The following AGT variants were observed in gnomAD, a reference collection of about 807,000 sequenced individuals.
AGT encodes alpha-1 antiproteinase, antitrypsin.
Under a neutral mutation model 28.1 loss-of-function variants are expected in AGT, and 26 were observed. The ratio of observed to expected loss-of-function variants is 0.92; its 90% CI spans 0.68 to 1.28. The LOEUF (loss-of-function observed/expected upper bound fraction) is 1.28. Ranked by LOEUF, AGT falls within the 50% of genes most tolerant of loss-of-function variation. The probability of loss-of-function intolerance (pLI) is 0.00; values close to 1 mark genes in which losing one functional copy is unlikely to be tolerated. For synonymous variants in AGT, 259 were observed against 259.6 expected (o/e 1.00, Z 0.02); for missense variants, 596 against 592.3 (o/e 1.01, Z -0.06).
At chr1:230,709,629 G>C in intron 2 of AGT, among the ~76,000 whole-genome samples, 1 of 151,506 alleles carries the variant, frequency 6.6e-6, no homozygotes. Context: ...AGGAGATGTG[G>C]GTTTCAATCC....
chr1:230,714,953 G>A (rs1463883404), upstream of AGT, among the ~76,000 whole-genome samples: 1 of 152,174 alleles, frequency 6.6e-6, no homozygotes. Flanking sequence ...GTGATCACAA[G>A]TGACGCAGTG....
intron 1 of AGT, among the ~76,000 whole-genome samples, chr1:230,712,660 C>T (rs538636060): frequency 2.9e-4 from 44 of 152,324 alleles, no homozygotes; most frequent in Non-Finnish European, 5.1e-4. Flanking sequence ...CGATGCAGCC[C>T]GCTCACTGTG....
chr1:230,714,364 C>A (rs1304067465), upstream of AGT: 1 of 152,340 alleles, frequency 6.6e-6, no homozygotes, highest in Non-Finnish European at 1.5e-5. Flanking sequence ...ACACATTTAC[C>A]GAAGTTTGCA....
At chr1:230,708,726 C>T (rs1040396101) in intron 2 of AGT, among the ~76,000 whole-genome samples, 5 of 152,116 alleles carry the variant, frequency 3.3e-5, no homozygotes, top group East Asian at 1.9e-4. Context: ...ATGGATTTGC[C>T]GAGCTGCTCC....
chr1:230,707,837 G>A (rs984138896), intron 2 of AGT, among the ~76,000 whole-genome samples: 3 of 152,180 alleles, frequency 2.0e-5, no homozygotes, highest in African/African-American at 4.8e-5. Flanking sequence ...CTCATCCGGA[G>A]GCTAGGTAAA....
At chr1:230,740,424 C>T (rs936862565) in intron 1 of AGT, among the ~76,000 whole-genome samples, 1 of 152,158 alleles carries the variant, frequency 6.6e-6, no homozygotes, top group Admixed American at 6.5e-5. Context: ...CCTTATTTTA[C>T]CCAACCCCTA....
intron 1 of AGT, among the ~76,000 whole-genome samples, chr1:230,720,175 G>C (rs11122581): frequency 1.3e-5 from 2 of 151,706 alleles, no homozygotes; most frequent in South Asian, 2.1e-4. Flanking sequence ...GTAGAAATTC[G>C]GGCCGTGACT....
chr1:230,737,955 T>G (rs1421248200), intron 1 of AGT, among the ~76,000 whole-genome samples: 1 of 151,936 alleles, frequency 6.6e-6, no homozygotes, highest in African/African-American at 2.4e-5. Flanking sequence ...TTCCATAGTC[T>G]GTTGTCCTTT....
At chr1:230,735,848 T>G (rs1041772243) in intron 1 of AGT, among the ~76,000 whole-genome samples, 4 of 152,168 alleles carry the variant, frequency 2.6e-5, no homozygotes, top group African/African-American at 9.7e-5. Context: ...CCCCAACTGC[T>G]CAGTCTATCA....
chr1:230,719,439 G>A (rs1312056244), upstream of AGT, among the ~76,000 whole-genome samples: 2 of 44,088 alleles, frequency 4.5e-5, no homozygotes, highest in African/African-American at 7.7e-4. Context: ...ACGGAGTCTC[G>A]CTCTGTCGCC....
intron 1 of AGT, among the ~76,000 whole-genome samples, chr1:230,729,323 G>A (rs1664007761): frequency 6.6e-6 from 1 of 152,186 alleles, no homozygotes; most frequent in African/African-American, 2.4e-5. Context: ...AAGGACAAAT[G>A]CAACTTAAAA....
chr1:230,722,009 C>G (rs1571982975), intron 1 of AGT, among the ~76,000 whole-genome samples: 1 of 152,156 alleles, frequency 6.6e-6, no homozygotes, highest in East Asian at 1.9e-4. Flanking sequence ...ACCTTCACCA[C>G]AGTCCCTCCC....
rs145882750 is a variant in AGT, at chr1:230,710,141, C to T, written c.683G>A (p.Arg228His). Residue 228 changes from arginine (R) to histidine (H), a missense_variant, in exon 2 of 5, where the codon CGC (arginine) becomes CAC (histidine). Physicochemically the swap from Arg to His is conservative, Grantham distance 29. Transcript: ENST00000366667. The part of the protein sequence containing the change: ...LALYTPVVLP[R>H]SLDFTELDVA... ...ATCCAGTTCTGTGAAGTCCAGAGAGCGTGGGAGGACCACAGGGGTATAGAG... is the reference window on the plus strand; with the variant it reads ...ATCCAGTTCTGTGAAGTCCAGAGAGTGTGGGAGGACCACAGGGGTATAGAG... 1.5e-5 allele frequency: 24 copies of T among 1,614,044 alleles called. No individual in the cohort carries two copies. The highest frequency in any genetic ancestry group is 6.7e-5 in the Admixed American group (4 of 60,006).
At position 230,710,706 on chromosome 1, in the gene AGT, T is replaced by C. The variant is rs751752211; in HGVS notation, c.118A>G (p.Ser40Gly). ...HPFHLVIHNESTCEQLAKANA... is the reference protein window; with the variant it reads ...HPFHLVIHNEGTCEQLAKANA... Reference sequence around the variant, plus strand: ...GCCTTTGCCAGCTGCTCACAGGTACTCTCATTGTGGATGACGAGGTGGAAG... The same window carrying C: ...GCCTTTGCCAGCTGCTCACAGGTACCCTCATTGTGGATGACGAGGTGGAAG... The change falls in exon 2 of 5, where the codon AGT becomes GGT. Residue 40 changes from serine to glycine, a missense_variant. Transcript: ENST00000366667. 1.2e-6 allele frequency: 2 copies of C among 1,614,120 alleles called. No individual in the cohort carries two copies. The highest frequency in any genetic ancestry group is 1.1e-5 in the South Asian group (1 of 91,078).
intron 2 of AGT, 88 bp from the exon 3 acceptor site, chr1:230,706,288 T>A: frequency 6.9e-7 from 1 of 1,449,820 alleles, no homozygotes; most frequent in Non-Finnish European, 9.3e-7. Context: ...GCCCAGATCC[T>A]GCCCCTCGCC....
chr1:230,729,388 C>G (rs1412186046), intron 1 of AGT, among the ~76,000 whole-genome samples: 1 of 152,262 alleles, frequency 6.6e-6, no homozygotes, highest in African/African-American at 2.4e-5. Context: ...CCCTCCCTCT[C>G]TTATTCTCAG....
intron 1 of AGT, among the ~76,000 whole-genome samples, chr1:230,742,290 C>T (rs1161632770): frequency 6.6e-6 from 1 of 152,150 alleles, no homozygotes; most frequent in East Asian, 1.9e-4. Flanking sequence ...GCATACTCTA[C>T]ATGCCATTCT....
intron 1 of AGT, among the ~76,000 whole-genome samples, chr1:230,728,975 A>G (rs931125818): frequency 6.6e-6 from 1 of 152,136 alleles, no homozygotes; most frequent in Non-Finnish European, 1.5e-5. Context: ...TTGCTATATC[A>G]CTCGTGAAAA....
intron 1 of AGT, among the ~76,000 whole-genome samples, chr1:230,741,723 G>T (rs1664251892): frequency 6.6e-6 from 1 of 152,210 alleles, no homozygotes; most frequent in Non-Finnish European, 1.5e-5. Context: ...CAAGGTCTGG[G>T]TGAAGATCTA....
Sources: gnomAD v4.1 joint callset for allele counts (sites outside exome capture counted in the v4.1 genomes callset) on GRCh38, gnomAD v4.1.1 for gene constraint, MANE v1.5 for transcripts, NCBI Gene and HGNC (gene_info 2026-07-23, HGNC 2026-07-21) for gene names.